The following KIRREL3 variants were observed in gnomAD, a reference collection of about 807,000 sequenced individuals.
KIRREL3 encodes kirre like nephrin family adhesion molecule 3.
Under a neutral mutation model 89.7 loss-of-function variants are expected in KIRREL3, and 36 were observed. That is an observed-to-expected ratio of 0.40 (90% CI 0.31 to 0.53). KIRREL3 has a LOEUF of 0.53. Among genes scored for constraint, KIRREL3 ranks in the 20% least tolerant of loss-of-function variants. The pLI, the probability that KIRREL3 is intolerant of heterozygous loss-of-function variation, is 0.49. For synonymous variants in KIRREL3, 445 were observed against 441.4 expected (o/e 1.01, Z -0.10); for missense variants, 864 against 1,056.6 (o/e 0.82, Z 2.53).
At chr11:126,726,973 GA>G (rs1592029999) in intron 1 of KIRREL3, among the ~76,000 whole-genome samples, 1 of 152,124 alleles carries the variant, frequency 6.6e-6, no homozygotes, top group East Asian at 1.9e-4. Flanking sequence ...TTCTTTCTCT[GA>G]GCCGCCTTAC....
At chr11:126,695,626 A>G (rs1389564059) in intron 1 of KIRREL3, among the ~76,000 whole-genome samples, 1 of 152,082 alleles carries the variant, frequency 6.6e-6, no homozygotes, top group African/African-American at 2.4e-5. Flanking sequence ...CTCCTGCTCC[A>G]GGATGACGAG....
chr11:126,791,016 G>A lies in KIRREL3; in HGVS notation c.55+209439C>T, dbSNP rs772643488. 6.6e-6 allele frequency among the ~76,000 whole-genome samples: 1 copy of A among 152,164 alleles called. No individual in the cohort carries two copies. The highest frequency in any genetic ancestry group is 1.5e-5 in the Non-Finnish European group (1 of 68,030). On this transcript the variant is annotated intron_variant, in intron 1 of 16. Coordinates refer to ENST00000525144, the MANE Select transcript of KIRREL3 (RefSeq NM_032531.4). This position sits in a 1 kb window ranked among gnomAD's most constrained non-coding sequence, Gnocchi z 4.8. ...AACTGGGTGGTGTGGAGGATTTGTC[G>A]ATGAGAATGCAAATGAGCATGATGT...
intron 1 of KIRREL3, among the ~76,000 whole-genome samples, chr11:126,888,171 A>T (rs1945772745): frequency 6.6e-6 from 1 of 152,250 alleles, no homozygotes; most frequent in South Asian, 2.1e-4. Context: ...GTGTGTGATC[A>T]AGTGGGCTGA....
rs35323126 is a variant in KIRREL3, at chr11:126,551,652, CTT to C, written c.133+11181_133+11182del. Among the ~76,000 whole-genome samples the C allele has an allele frequency of 1.4e-4, 19 of 135,838 alleles. No homozygotes were observed. Among genetic ancestry groups the C allele is most frequent in the African/African-American group, 1.7e-4 (6 of 36,328 alleles). The allele number at this position is 135,838 out of a possible 152,430, so 89.1% of individuals were successfully genotyped here. On this transcript the variant is annotated intron_variant, in intron 2 of 16. Transcript: ENST00000525144. The surrounding 1 kb of genome is among the most constrained non-coding windows in gnomAD (Gnocchi z 4.9). ...GGGTGAGGCCACTCAGGTTTGCAGGCTTTTTTTTTTTTTTTTGAGACAGAGTC... is the reference window on the plus strand; with the variant it reads ...GGGTGAGGCCACTCAGGTTTGCAGGCTTTTTTTTTTTTTTGAGACAGAGTC...
rs1048052133 is a variant in KIRREL3 at position 126,424,457 on chromosome 11, G to A, written c.*123C>T. ...TTCGAAGGAAGGCAGTGGCAGAGGC[G>A]CTGGGAGGCTGTCCTGGAAGTGGCC... On this transcript the variant is annotated 3_prime_UTR_variant, in exon 17 of 17. Transcript: ENST00000525144. 6 of 883,870 alleles carry A rather than the reference G, an allele frequency of 6.8e-6. No homozygotes were observed. The highest frequency in any genetic ancestry group is 4.8e-5 in the Admixed American group (2 of 41,968). The allele number at this position is 883,870 out of a possible 1,614,324, so 54.8% of individuals were successfully genotyped here.
chr11:126,453,681 C>T (rs1460607862), intron 7 of KIRREL3, among the ~76,000 whole-genome samples: 1 of 152,176 alleles, frequency 6.6e-6, no homozygotes, highest in Non-Finnish European at 1.5e-5. Flanking sequence ...TCTCCGTGGC[C>T]CCTCCGCCTC....
rs1957093220 is a variant in KIRREL3, at chr11:126,477,241, T to C, written c.434-3775A>G. Among the ~76,000 whole-genome samples, 1 of 152,206 alleles carries C rather than the reference T, an allele frequency of 6.6e-6. No individual in the cohort carries two copies. On this transcript the variant is annotated intron_variant, in intron 4 of 16. Coordinates refer to ENST00000525144, the MANE Select transcript of KIRREL3 (RefSeq NM_032531.4). This position sits in a 1 kb window ranked among gnomAD's most constrained non-coding sequence, Gnocchi z 4.8. ...ATGCTGAGCTCTTTACAGTTTACTCTCCCATTGGCCAGGACTGGAGCAGGC... is the reference window on the plus strand; with the variant it reads ...ATGCTGAGCTCTTTACAGTTTACTCCCCCATTGGCCAGGACTGGAGCAGGC...
In KIRREL3 at chr11:126,736,532, T is replaced by C. The variant is rs1208615623; in HGVS notation, c.56-173620A>G. ...TGGTTCTCACCTGGGGGCGATTTTG[T>C]CCCCAGGGGACATTTGAGAACATCT... On this transcript the variant is annotated intron_variant, in intron 1 of 16. Coordinates refer to ENST00000525144, the MANE Select transcript of KIRREL3 (RefSeq NM_032531.4). This position sits in a 1 kb window ranked among gnomAD's most constrained non-coding sequence, Gnocchi z 5.0. 6.6e-6 allele frequency among the ~76,000 whole-genome samples: 1 copy of C among 152,092 alleles called. No individual in the cohort carries two copies. Among genetic ancestry groups the C allele is most frequent in the African/African-American group, 2.4e-5 (1 of 41,398 alleles).
rs1162014418 is a variant in KIRREL3 at position 126,432,228 on chromosome 11, C to T, written c.1589-702G>A. ...CTGCCCCTCTGAGCATCCTTGCACC[C>T]CTCCTGGCAAGAGAGGCCCACACAC... On this transcript the variant is annotated intron_variant, in intron 13 of 16. Transcript: ENST00000525144. This position sits in a 1 kb window ranked among gnomAD's most constrained non-coding sequence, Gnocchi z 6.2. Among the ~76,000 whole-genome samples the T allele has an allele frequency of 6.6e-6, 1 of 152,120 alleles. No individual in the cohort carries two copies. Among genetic ancestry groups the T allele is most frequent in the Non-Finnish European group, 1.5e-5 (1 of 68,020 alleles).
At position 126,430,220 on chromosome 11, in the gene KIRREL3, G is replaced by A. The variant is rs1038794846; in HGVS notation, c.1697-932C>T. 7.9e-5 allele frequency among the ~76,000 whole-genome samples: 12 copies of A among 152,052 alleles called. No individual in the cohort carries two copies. Among genetic ancestry groups the A allele is most frequent in the African/African-American group, 2.9e-4 (12 of 41,392 alleles). ...AGCACATTGGGAGGCCGAGGAAGGC[G>A]GACCACTTGAGGCCAGGAGTTCGAG... On this transcript the variant is annotated intron_variant, in intron 14 of 16. Coordinates refer to ENST00000525144, the MANE Select transcript of KIRREL3 (RefSeq NM_032531.4). The surrounding 1 kb of genome is among the most constrained non-coding windows in gnomAD (Gnocchi z 6.6).
rs975563503 is a variant in KIRREL3 at position 126,912,499 on chromosome 11, A to C, written c.55+87956T>G. ...CTAAGCACCCCTCACAGTAGGCATCAACCAAGAACATATCACACTCACCTA... is the reference window on the plus strand; with the variant it reads ...CTAAGCACCCCTCACAGTAGGCATCCACCAAGAACATATCACACTCACCTA... On this transcript the variant is annotated intron_variant, in intron 1 of 16. Transcript: ENST00000525144. This position sits in a 1 kb window ranked among gnomAD's most constrained non-coding sequence, Gnocchi z 4.7. 6.6e-6 allele frequency among the ~76,000 whole-genome samples: 1 copy of C among 152,216 alleles called. No homozygotes were observed. Among genetic ancestry groups the C allele is most frequent in the Non-Finnish European group, 1.5e-5 (1 of 68,040 alleles).
intron 1 of KIRREL3, among the ~76,000 whole-genome samples, chr11:126,793,888 A>G (rs900427355): frequency 2.0e-5 from 3 of 152,124 alleles, no homozygotes; most frequent in African/African-American, 4.8e-5. Context: ...GCTTCTCTTC[A>G]TTCTCCCCCA....
intron 1 of KIRREL3, among the ~76,000 whole-genome samples, chr11:126,910,802 G>A (rs572844298): frequency 3.3e-4 from 51 of 152,302 alleles, no homozygotes; most frequent in African/African-American, 1.2e-3. Context: ...CATGTGTCAG[G>A]CTCCATTCAC....
chr11:126,859,693 C>T (rs1217673325), intron 1 of KIRREL3, among the ~76,000 whole-genome samples: 14 of 152,206 alleles, frequency 9.2e-5, no homozygotes, highest in Admixed American at 9.2e-4. Flanking sequence ...GGGGAAGGAA[C>T]ATAGGTGTGG....
chr11:126,611,187 C>T lies in KIRREL3; in HGVS notation c.56-48275G>A, dbSNP rs1943112361. 2.6e-5 allele frequency among the ~76,000 whole-genome samples: 4 copies of T among 152,152 alleles called. No homozygotes were observed. Among genetic ancestry groups the T allele is most frequent in the South Asian group, 2.1e-4 (1 of 4,818 alleles). ...GTGGGAATAGTCATAGAAAAAGGAT[C>T]GTGGGGAAATGAAACGAGAGAATAC... On this transcript the variant is annotated intron_variant, in intron 1 of 16. Transcript: ENST00000525144. The surrounding 1 kb of genome is among the most constrained non-coding windows in gnomAD (Gnocchi z 4.7).
chr11:126,923,121 TCCTTCTTC>T lies in KIRREL3; in HGVS notation c.55+77326_55+77333del, dbSNP rs1254104108. 3.8e-4 allele frequency among the ~76,000 whole-genome samples: 22 copies of T among 57,434 alleles called. 2 individuals are homozygous for T. Among genetic ancestry groups the T allele is most frequent in the African/African-American group, 2.0e-3 (18 of 8,868 alleles). 37.7% of individuals were successfully genotyped at this position (57,434 alleles called of 152,430 possible). ...CTTCTTCTCCTTCTCCTTCTCCTTC[TCCTTCTTC>T]TCTTCTTCTTCTTCTTCTTCTTCTT... On this transcript the variant is annotated intron_variant, in intron 1 of 16. Coordinates refer to ENST00000525144, the MANE Select transcript of KIRREL3 (RefSeq NM_032531.4).
chr11:126,579,702 C>T lies in KIRREL3; in HGVS notation c.56-16790G>A, dbSNP rs1320886361. On this transcript the variant is annotated intron_variant, in intron 1 of 16. Coordinates refer to ENST00000525144, the MANE Select transcript of KIRREL3 (RefSeq NM_032531.4). This position sits in a 1 kb window ranked among gnomAD's most constrained non-coding sequence, Gnocchi z 5.3. ...GAGTTGCACCTGGATCTGGACAATG[C>T]TTCCAGGTTACCACTGCTGGTAAGC... 2.6e-5 allele frequency among the ~76,000 whole-genome samples: 4 copies of T among 152,106 alleles called. No individual in the cohort carries two copies. Among genetic ancestry groups the T allele is most frequent in the African/African-American group, 9.7e-5 (4 of 41,420 alleles).
Position 126,519,341 on chromosome 11 carries a change from A to C in KIRREL3, c.433+1974T>G, listed in dbSNP as rs1958516970. 6.6e-6 allele frequency among the ~76,000 whole-genome samples: 1 copy of C among 152,248 alleles called. No individual in the cohort carries two copies. Among genetic ancestry groups the C allele is most frequent in the Non-Finnish European group, 1.5e-5 (1 of 68,038 alleles). On this transcript the variant is annotated intron_variant, in intron 4 of 16. Coordinates refer to ENST00000525144, the MANE Select transcript of KIRREL3 (RefSeq NM_032531.4). This position sits in a 1 kb window ranked among gnomAD's most constrained non-coding sequence, Gnocchi z 4.3. ...GACTAGGCAAAGAGCTTGGAGCTGA[A>C]AAATCTGGAGTTGATTTTGAAGGTT...
chr11:126,824,466 T>G (rs1943336022), intron 1 of KIRREL3, among the ~76,000 whole-genome samples: 1 of 152,220 alleles, frequency 6.6e-6, no homozygotes, highest in African/African-American at 2.4e-5. Context: ...CACATCTAGC[T>G]GTGGCTGAGA....
Sources: allele counts gnomAD v4.1 joint callset (sites outside exome capture counted in the v4.1 genomes callset), GRCh38; gene constraint gnomAD v4.1.1; non-coding constraint Gnocchi (gnomAD v3.1); transcripts MANE v1.5; gene names NCBI Gene and HGNC (gene_info 2026-07-23, HGNC 2026-07-21).